SETX: variants seen among roughly 807,000 people sequenced by gnomAD.
SETX encodes the protein helicase senataxin.
SETX carries 90 observed loss-of-function variants against 227.2 expected under a neutral mutation model. That is an observed-to-expected ratio of 0.40 (90% confidence interval 0.33 to 0.47). SETX has a LOEUF of 0.47. SETX is among the 20% of genes least tolerant of loss of function. The probability of loss-of-function intolerance (pLI) is 0.91; values close to 1 mark genes in which losing one functional copy is unlikely to be tolerated. For missense variants in SETX, 3,052 were observed against 3,181.5 expected (o/e 0.96, Z 0.98); for synonymous variants, 1,210 against 1,113.2 (o/e 1.09, Z -1.73).
chr9:132,339,954 C>T (rs1421725311), intron 5 of SETX, among the ~76,000 whole-genome samples: 1 of 152,136 alleles, frequency 6.6e-6, no homozygotes, highest in Non-Finnish European at 1.5e-5. Context: ...TTATTTTTCT[C>T]TTTCTGGGAC....
In SETX at chr9:132,328,481, T is replaced by C. The variant is rs886063555; in HGVS notation, c.3117A>G (p.Ile1039Met). The C allele has an allele frequency of 1.2e-5, 19 of 1,613,702 alleles. No homozygotes were observed. Among genetic ancestry groups the C allele is most frequent in the Admixed American group, 8.3e-5 (5 of 59,998 alleles). ...GCTCTGGATGTTCCCTCTCAAGGCA[T>C]ATTTTGTCCTGTTTAGTGAGTTTCT... Reference protein sequence around the residue: ...SLEKLTKQDKICLEREHPEQH... With the variant: ...SLEKLTKQDKMCLEREHPEQH... The change falls in exon 10 of 26, where the codon ATA (isoleucine) becomes ATG (methionine). Residue 1039 changes from isoleucine (I) to methionine (M), a missense_variant. Transcript: ENST00000224140.
Position 132,264,676 on chromosome 9 carries a change from G to C in SETX, c.7597C>G (p.His2533Asp). The change falls in exon 26 of 26, where the codon CAT (histidine) becomes GAT (aspartate). Residue 2533 changes from histidine (H) to aspartate (D), a missense_variant. Physicochemically the swap from His to Asp is moderately conservative, Grantham distance 81. Around this residue, in one of 10 missense-constraint regions of SETX, gnomAD observed 294 missense variants for 278.8 expected, o/e 1.05. Coordinates refer to ENST00000224140, the MANE Select transcript of SETX (RefSeq NM_015046.7). ...AGTCGTGGGTCCTGAAGTTGGTCATGAACAGGAGGTCTTTCAGGGTCCTTT... is the reference window on the plus strand; with the variant it reads ...AGTCGTGGGTCCTGAAGTTGGTCATCAACAGGAGGTCTTTCAGGGTCCTTT... ...TSKDPERPPV[H>D]DQLQDPRLLK... is the part of the protein sequence containing the mutation. 1.2e-6 allele frequency: 2 copies of C among 1,614,228 alleles called. No homozygotes were observed. Among genetic ancestry groups the C allele is most frequent in the Non-Finnish European group, 1.7e-6 (2 of 1,180,050 alleles).
Position 132,264,975 on chromosome 9 carries a change from T to C in SETX, c.7298A>G (p.His2433Arg). The C allele has an allele frequency of 1.2e-6, 2 of 1,613,844 alleles. No individual in the cohort carries two copies. The highest frequency in any genetic ancestry group is 1.7e-6 in the Non-Finnish European group (2 of 1,180,032). The stretch of plus-strand genomic sequence containing the variant: ...AGCATCCTGAATCAGCTGATTCCAA[T>C]GCTGGTTTTCCTTGAAACAATGAGA... Reference protein sequence around the residue: ...GHLRTLMENQHWNQLIQDAQK... With the variant: ...GHLRTLMENQRWNQLIQDAQK... Residue 2433 changes from histidine (H) to arginine (R), a missense_variant, in exon 26 of 26, where the codon CAT becomes CGT. This residue lies in a region of SETX where 412 missense variants were observed against 589.0 expected (regional missense o/e 0.70). Transcript: ENST00000224140.
chr9:132,280,951 C>T (rs1295973170), intron 20 of SETX, among the ~76,000 whole-genome samples: 2 of 152,112 alleles, frequency 1.3e-5, no homozygotes, highest in Non-Finnish European at 2.9e-5. Flanking sequence ...ATGTGAAGGG[C>T]ACAGACATGT....
intron 10 of SETX, among the ~76,000 whole-genome samples, chr9:132,313,609 C>A (rs1845795566): frequency 6.6e-6 from 1 of 152,160 alleles, no homozygotes; most frequent in Admixed American, 6.5e-5. Flanking sequence ...ACAGGTTTAT[C>A]TGTTTCATAA....
intron 15 of SETX, among the ~76,000 whole-genome samples, chr9:132,291,623 A>G (rs1023635397): frequency 4.6e-5 from 7 of 152,156 alleles, no homozygotes; most frequent in African/African-American, 1.2e-4. Flanking sequence ...AAATCCCTAG[A>G]GGCCAAAAAC....
Position 132,278,437 on chromosome 9 carries a change from CTTTTTTTTTTTTTT to C in SETX, c.6655-194_6655-181del, listed in dbSNP as rs67558000. ...CTCTGAGCCTCAAAATGCCATGAAT[CTTTTTTTTTTTTTT>C]TTTTTTTTTTTTTTTTTTTTGGAGA... On this transcript the variant is annotated intron_variant, in intron 20 of 25. Coordinates refer to ENST00000224140, the MANE Select transcript of SETX (RefSeq NM_015046.7). Among the ~76,000 whole-genome samples the C allele has an allele frequency of 3.7e-3, 314 of 84,868 alleles. 3 individuals are homozygous for C. Among genetic ancestry groups the C allele is most frequent in the African/African-American group, 0.01 (276 of 26,610 alleles). The allele number at this position is 84,868 out of a possible 152,430, so 55.7% of individuals were successfully genotyped here. A position where few individuals can be genotyped will look rare whatever the true frequency, so the allele number is the denominator to read the frequency against.
chr9:132,355,307 G>A (rs1457768886), upstream of SETX, among the ~76,000 whole-genome samples: 4 of 152,178 alleles, frequency 2.6e-5, no homozygotes, highest in Non-Finnish European at 5.9e-5. Context: ...TGCGGGTGGG[G>A]TCAGCCCTTA....
intron 15 of SETX, among the ~76,000 whole-genome samples, chr9:132,292,625 ATTTTTTT>A (rs529367112): frequency 1.6e-5 from 2 of 125,234 alleles, no homozygotes; most frequent in Admixed American, 1.6e-4. Flanking sequence ...TTCCCAACTC[ATTTTTTT>A]TTTTTTTTTT....
At chr9:132,275,732 G>A (rs555044070) in intron 22 of SETX, among the ~76,000 whole-genome samples, 1 of 152,274 alleles carries the variant, frequency 6.6e-6, no homozygotes, top group Admixed American at 6.5e-5. Flanking sequence ...GTTGAAACAG[G>A]GAGAGCAGTA....
At chr9:132,311,735 A>G (rs1219686611) in intron 11 of SETX, 22 bp downstream of exon 11, 1 of 1,484,528 alleles carries the variant, frequency 6.7e-7, no homozygotes, top group African/African-American at 1.4e-5. Flanking sequence ...ATATATTCCA[A>G]GTTGCGTAAG....
chr9:132,300,404 A>T (rs998351516), intron 12 of SETX, among the ~76,000 whole-genome samples: 3 of 152,242 alleles, frequency 2.0e-5, no homozygotes, highest in African/African-American at 7.2e-5. Context: ...AATGATGGAT[A>T]AAGAAATGTA....
At chr9:132,342,459 T>C (rs975305381) in intron 5 of SETX, among the ~76,000 whole-genome samples, 6 of 152,218 alleles carry the variant, frequency 3.9e-5, no homozygotes, top group African/African-American at 1.4e-4. Flanking sequence ...CATCAAGTTA[T>C]TCCCGTTTGT....
chr9:132,300,535 G>A lies in SETX; in HGVS notation c.5548+95C>T, dbSNP rs547044572. ...CATAGCAAAAACATGTTCGGTAAAT[G>A]TCTATCAAATACACTTGATATACAC... On this transcript the variant is annotated intron_variant, in intron 12 of 25. Transcript: ENST00000224140. 5 of 1,346,568 alleles carry A rather than the reference G, an allele frequency of 3.7e-6. 1 individual carries two copies. The East Asian group carries it at 9.2e-5, about 25-fold the overall frequency. The allele number at this position is 1,346,568 out of a possible 1,614,324, so 83.4% of individuals were successfully genotyped here.
chr9:132,280,141 A>G (rs904822759), intron 20 of SETX, among the ~76,000 whole-genome samples: 3 of 152,212 alleles, frequency 2.0e-5, no homozygotes, highest in Non-Finnish European at 2.9e-5. Context: ...ATGCCTAGCA[A>G]TATCTGTTAA....
chr9:132,288,069 G>A (rs1018515592), intron 17 of SETX, among the ~76,000 whole-genome samples, 167 bp downstream of exon 17: 7 of 152,084 alleles, frequency 4.6e-5, no homozygotes, highest in East Asian at 1.9e-4. Context: ...CCACCTACTC[G>A]GGAGGCTGAG....
At chr9:132,283,453 C>T in intron 18 of SETX, 40 bp from the exon 19 acceptor site, 2 of 1,611,450 alleles carry the variant, frequency 1.2e-6, no homozygotes, top group Non-Finnish European at 1.7e-6. Flanking sequence ...AGCTGTACAT[C>T]AATCCTTGAC....
intron 6 of SETX, among the ~76,000 whole-genome samples, chr9:132,335,250 G>C (rs1728453097): frequency 6.6e-6 from 1 of 151,636 alleles, no homozygotes; most frequent in African/African-American, 2.4e-5. Context: ...AATTAGCCAG[G>C]CGTGGTGGCA....
chr9:132,322,874 T>G (rs1336353401), intron 10 of SETX, among the ~76,000 whole-genome samples: 1 of 151,656 alleles, frequency 6.6e-6, no homozygotes, highest in African/African-American at 2.4e-5. Flanking sequence ...AAATACCACA[T>G]CCATGAAATA....
Sources: allele counts gnomAD v4.1 joint callset (sites outside exome capture counted in the v4.1 genomes callset), GRCh38; gene constraint gnomAD v4.1.1; regional missense constraint gnomAD v4.1.1; transcripts MANE v1.5; gene names NCBI Gene and HGNC (gene_info 2026-07-23, HGNC 2026-07-21).